COLQ: variants seen among roughly 807,000 people sequenced by gnomAD.
COLQ encodes collagen like tail subunit of asymmetric acetylcholinesterase.
COLQ carries 48 observed loss-of-function variants against 69.0 expected under a neutral mutation model. The ratio of observed to expected loss-of-function variants is 0.70; its 90% CI spans 0.55 to 0.88. The LOEUF (loss-of-function observed/expected upper bound fraction) is 0.88, where lower values mean the gene tolerates loss of function less well. COLQ is among the 40% of genes least tolerant of loss of function. The pLI is 0.00. For missense variants in COLQ, 618 were observed against 594.6 expected, an observed-to-expected ratio of 1.04 and a Z score of -0.41; for synonymous variants, 217 against 211.2, an observed-to-expected ratio of 1.03 and a Z score of -0.24.
intron 1 of COLQ, among the ~76,000 whole-genome samples, chr3:15,519,748 C>T (rs1489989615): frequency 1.3e-5 from 2 of 152,160 alleles, no homozygotes; most frequent in African/African-American, 4.8e-5. Flanking sequence ...GGGTGCTCTC[C>T]AAGGCAAAGA....
At chr3:15,472,179 GC>G (rs2062299835) in intron 10 of COLQ, among the ~76,000 whole-genome samples, 1 of 152,178 alleles carries the variant, frequency 6.6e-6, no homozygotes, top group Non-Finnish European at 1.5e-5. Context: ...CAGAGAAGCT[GC>G]CATACTTAAT....
intron 1 of COLQ, chr3:15,498,415 T>A: frequency 7.6e-7 from 1 of 1,321,538 alleles, no homozygotes; most frequent in Non-Finnish European, 1.0e-6. Flanking sequence ...TGCTAAAACC[T>A]CCTAGTACAG....
At chr3:15,459,188 C>T (rs953645087) in intron 12 of COLQ, among the ~76,000 whole-genome samples, 7 of 152,182 alleles carry the variant, frequency 4.6e-5, no homozygotes, top group African/African-American at 1.7e-4. Flanking sequence ...GGGTTTCTTT[C>T]ATTTCTTCTG....
intron 10 of COLQ, among the ~76,000 whole-genome samples, chr3:15,472,443 TA>T (rs553502427): frequency 3.3e-4 from 51 of 152,300 alleles, no homozygotes; most frequent in Admixed American, 9.8e-4. Flanking sequence ...CTAGAAAAGG[TA>T]AGATAAAAAT....
At chr3:15,507,491 G>A (rs533570237) in intron 1 of COLQ, among the ~76,000 whole-genome samples, 45 of 152,312 alleles carry the variant, frequency 3.0e-4, no homozygotes, top group African/African-American at 1.1e-3. Context: ...GTCTCACTCT[G>A]TTGCCCAGGC....
At position 15,498,581 on chromosome 3, in the gene COLQ, C is replaced by T. The variant is rs756486084; in HGVS notation, c.107-8944G>A. On this transcript the variant is annotated intron_variant, in intron 1 of 16. Coordinates refer to ENST00000383788, the MANE Select transcript of COLQ (RefSeq NM_005677.4). ...AGATGAGCGAGGCTGAATGATGAGC[C>T]CGTCATTGTGAGGCAGGGCCCAAAG... 7.1e-6 allele frequency: 11 copies of T among 1,551,806 alleles called. No homozygotes were observed. In the South Asian group the frequency reaches 1.3e-4, roughly 18 times the overall value.
chr3:15,454,277 T>A (rs1043033483), intron 15 of COLQ, among the ~76,000 whole-genome samples: 1 of 152,190 alleles, frequency 6.6e-6, no homozygotes, highest in African/African-American at 2.4e-5. Context: ...GTTGGAAGAC[T>A]GCTGAGCCCC....
intron 1 of COLQ, among the ~76,000 whole-genome samples, chr3:15,513,576 AAC>A (rs1203619470): frequency 1.3e-5 from 2 of 152,128 alleles, no homozygotes; most frequent in African/African-American, 4.8e-5. Context: ...CCTGCTCCCG[AAC>A]ACACTCCATA....
chr3:15,479,203 A>G (rs1559521100), intron 4 of COLQ, 135 bp downstream of exon 4: 1 of 1,158,696 alleles, frequency 8.6e-7, no homozygotes, highest in South Asian at 1.2e-5. Context: ...CCCAGCCATC[A>G]TGGAACCCAG....
intron 8 of COLQ, among the ~76,000 whole-genome samples, 155 bp from the exon 9 acceptor site, chr3:15,474,427 C>T (rs1226225864): frequency 6.6e-6 from 1 of 152,186 alleles, no homozygotes; most frequent in Non-Finnish European, 1.5e-5. Context: ...GGAAGGAATG[C>T]TTTGTGATCT....
At position 15,488,302 on chromosome 3, in the gene COLQ, G is replaced by A; in HGVS notation, c.225C>T (p.Leu75=). 6.2e-7 allele frequency: 1 copy of A among 1,613,266 alleles called. No individual in the cohort carries two copies. The highest frequency in any genetic ancestry group is 1.1e-5 in the South Asian group (1 of 91,070). Residue 75 remains leucine, a synonymous_variant, in exon 3 of 17, where the codon CTC becomes CTT. Transcript: ENST00000383788. ...GCATGAGATTCTTCATGTCTGGGGA[G>A]AGAAGCTTCAGTACAAAGCAACACA... ...PFFRGGRSPL[L]SPDMKNLMLE...
intron 1 of COLQ, among the ~76,000 whole-genome samples, chr3:15,520,710 C>T (rs1192933866): frequency 1.3e-5 from 2 of 152,260 alleles, no homozygotes; most frequent in East Asian, 1.9e-4. Context: ...TACTAGTAAC[C>T]GAATACTTCC....
chr3:15,456,157 C>T, intron 14 of COLQ, 138 bp from the exon 15 acceptor site: 1 of 1,086,138 alleles, frequency 9.2e-7, no homozygotes. Flanking sequence ...AAAGGTACTC[C>T]TTTCCTGTTG....
chr3:15,452,439 T>C (rs2061958757), intron 16 of COLQ, among the ~76,000 whole-genome samples: 1 of 152,164 alleles, frequency 6.6e-6, no homozygotes, highest in African/African-American at 2.4e-5. Flanking sequence ...GGGGCTACCA[T>C]ATTGGACAGT....
intron 12 of COLQ, among the ~76,000 whole-genome samples, chr3:15,459,433 T>A (rs1464230684): frequency 1.3e-5 from 2 of 152,026 alleles, no homozygotes; most frequent in Non-Finnish European, 2.9e-5. Flanking sequence ...ACACTTTTAT[T>A]TATTTATTAA....
At chr3:15,478,747 C>T (rs2125122041) in intron 5 of COLQ, 3 of 621,688 alleles carry the variant, frequency 4.8e-6, no homozygotes, top group East Asian at 2.8e-5. Flanking sequence ...CTTGGCAGCC[C>T]CCGGAAGAAG....
intron 1 of COLQ, among the ~76,000 whole-genome samples, chr3:15,499,118 G>C (rs2062796012): frequency 6.6e-6 from 1 of 150,618 alleles, no homozygotes; most frequent in Non-Finnish European, 1.5e-5. Context: ...CTGGGCCAAA[G>C]TGTTGCTGAC....
intron 1 of COLQ, among the ~76,000 whole-genome samples, chr3:15,515,818 A>G (rs569502322): frequency 6.6e-6 from 1 of 152,342 alleles, no homozygotes; most frequent in African/African-American, 2.4e-5. Flanking sequence ...AAAAATCAAA[A>G]TAAAAAATAA....
At chr3:15,516,643 G>A (rs1251490386) in intron 1 of COLQ, among the ~76,000 whole-genome samples, 1 of 152,072 alleles carries the variant, frequency 6.6e-6, no homozygotes, top group Admixed American at 6.5e-5. Context: ...GATTCCCCTG[G>A]CTCCCCACCC....
Sources: gnomAD v4.1 joint callset for allele counts (sites outside exome capture counted in the v4.1 genomes callset) on GRCh38, gnomAD v4.1.1 for gene constraint, MANE v1.5 for transcripts, NCBI Gene and HGNC (gene_info 2026-07-23, HGNC 2026-07-21) for gene names.